The following AGBL4 variants were observed in gnomAD, a reference collection of about 807,000 sequenced individuals.
AGBL4 encodes cytosolic carboxypeptidase 6.
A neutral mutation model predicts 66.4 loss-of-function variants in AGBL4; 58 were observed. The observed-to-expected ratio is 0.87, with a 90% CI of 0.71 to 1.09. AGBL4 has a LOEUF of 1.09. Among genes scored for constraint, AGBL4 ranks in the 50% least tolerant of loss-of-function variants. AGBL4 has a pLI of 0.00. For missense variants in AGBL4, 579 were observed against 631.0 expected (o/e 0.92, Z 0.88); for synonymous variants, 234 against 222.9 (o/e 1.05, Z -0.44).
chr1:48,761,619 T>C, intron 6 of AGBL4: 1 of 774,148 alleles, frequency 1.3e-6, no homozygotes, highest in Non-Finnish European at 2.0e-6. Context: ...TGGTTCCCTC[T>C]TGCATGCAGG....
At chr1:49,478,808 C>T (rs1646895998) in intron 3 of AGBL4, among the ~76,000 whole-genome samples, 1 of 151,752 alleles carries the variant, frequency 6.6e-6, no homozygotes, top group African/African-American at 2.4e-5. Context: ...TGCAATAAGA[C>T]ATAAATAGAA....
At chr1:48,855,880 C>CAAAAACATACATG (rs1647138293) in intron 6 of AGBL4, among the ~76,000 whole-genome samples, 4 of 151,334 alleles carry the variant, frequency 2.6e-5, no homozygotes, top group Non-Finnish European at 5.9e-5. Context: ...GGATAATAAA[C>CAAAAACATACATG]CAAAATATAG....
chr1:48,593,620 G>A (rs1382168641), intron 9 of AGBL4, among the ~76,000 whole-genome samples: 1 of 152,040 alleles, frequency 6.6e-6, no homozygotes, highest in African/African-American at 2.4e-5. Context: ...GCAGGGTGGT[G>A]GGTGCCTATA....
intron 4 of AGBL4, among the ~76,000 whole-genome samples, chr1:49,196,745 T>A (rs2148220081): frequency 6.6e-6 from 1 of 152,218 alleles, no homozygotes; most frequent in Non-Finnish European, 1.5e-5. Flanking sequence ...GGGGTGAGAC[T>A]TTTTTGTCTT....
At chr1:48,756,971 C>T (rs1419713963) in intron 6 of AGBL4, among the ~76,000 whole-genome samples, 2 of 152,206 alleles carry the variant, frequency 1.3e-5, no homozygotes, top group African/African-American at 4.8e-5. Context: ...AAGATCAAGA[C>T]ACTGAAACTA....
At chr1:49,369,812 T>G (rs1198394950) in intron 3 of AGBL4, among the ~76,000 whole-genome samples, 2 of 152,086 alleles carry the variant, frequency 1.3e-5, no homozygotes, top group Non-Finnish European at 2.9e-5. Flanking sequence ...ATTTTATATG[T>G]CAACTTAGAG....
At chr1:48,745,458 G>T (rs1241428775) in intron 6 of AGBL4, among the ~76,000 whole-genome samples, 2 of 152,104 alleles carry the variant, frequency 1.3e-5, no homozygotes, top group African/African-American at 4.8e-5. Context: ...AGGGAGCAGG[G>T]GTTGAAAGAG....
intron 9 of AGBL4, among the ~76,000 whole-genome samples, chr1:48,607,658 C>T (rs1645173559): frequency 6.6e-6 from 1 of 151,996 alleles, no homozygotes; most frequent in African/African-American, 2.4e-5. Flanking sequence ...TTGAACGGCA[C>T]CATTCTAGTA....
chr1:49,627,541 A>G (rs1645488091), intron 3 of AGBL4, among the ~76,000 whole-genome samples: 1 of 152,122 alleles, frequency 6.6e-6, no homozygotes, highest in South Asian at 2.1e-4. Context: ...ATCTATGTAC[A>G]TTCTTACCTC....
At chr1:48,706,776 G>A (rs775236925) in intron 6 of AGBL4, among the ~76,000 whole-genome samples, 10 of 152,226 alleles carry the variant, frequency 6.6e-5, no homozygotes, top group Non-Finnish European at 1.5e-4. Flanking sequence ...ATTAATAAAT[G>A]AAGTGACTAT....
chr1:49,518,513 T>TA (rs111600728), intron 3 of AGBL4, among the ~76,000 whole-genome samples: 104,010 of 151,936 alleles, frequency 0.68, 36,485 homozygotes, highest in African/African-American at 0.78. Context: ...AAAAGATTGC[T>TA]AATTATATAA....
chr1:49,062,178 A>G (rs1251416187), intron 4 of AGBL4, among the ~76,000 whole-genome samples: 1 of 152,184 alleles, frequency 6.6e-6, no homozygotes, highest in East Asian at 1.9e-4. Flanking sequence ...CCGTCGATGG[A>G]AAAACTGTCT....
intron 3 of AGBL4, among the ~76,000 whole-genome samples, chr1:49,344,533 G>A (rs1262932181): frequency 6.6e-6 from 1 of 152,104 alleles, no homozygotes; most frequent in Non-Finnish European, 1.5e-5. Context: ...AAAATTCTGT[G>A]TGTGAACATA....
At chr1:48,738,162 T>C (rs748479437) in intron 6 of AGBL4, among the ~76,000 whole-genome samples, 1 of 152,170 alleles carries the variant, frequency 6.6e-6, no homozygotes, top group Non-Finnish European at 1.5e-5. Flanking sequence ...AACTTCTTCC[T>C]TTACCAATTA....
At chr1:49,209,410 G>C (rs933994200) in intron 4 of AGBL4, among the ~76,000 whole-genome samples, 1 of 152,044 alleles carries the variant, frequency 6.6e-6, no homozygotes, top group Admixed American at 6.6e-5. Flanking sequence ...CCCAGATATA[G>C]ATAACACAGT....
chr1:48,836,241 C>A (rs1304727493), intron 6 of AGBL4, among the ~76,000 whole-genome samples: 1 of 150,158 alleles, frequency 6.7e-6, no homozygotes, highest in Non-Finnish European at 1.5e-5. Context: ...GCACAAATCC[C>A]TTTCTGGGGC....
rs1209143720 is a variant in AGBL4, at chr1:48,926,570, T to G, written c.595-59340A>C. ...TCCCAAAGTGCTGGGATTACAGGTATGAGGCGTCACACCGGCCAACCATGG... is the reference window on the plus strand; with the variant it reads ...TCCCAAAGTGCTGGGATTACAGGTAGGAGGCGTCACACCGGCCAACCATGG... On this transcript the variant is annotated intron_variant, in intron 5 of 13. Transcript: ENST00000371839. Among the ~76,000 whole-genome samples, 3 of 152,022 alleles carry G rather than the reference T, an allele frequency of 2.0e-5. No individual in the cohort carries two copies. The East Asian group carries it at 5.8e-4, about 29-fold the overall frequency.
intron 1 of AGBL4, among the ~76,000 whole-genome samples, chr1:49,930,719 C>T (rs974605959): frequency 6.6e-6 from 1 of 151,988 alleles, no homozygotes; most frequent in African/African-American, 2.4e-5. Context: ...GTCAAATACC[C>T]ACTCAATAAG....
rs1653190022 is a variant in AGBL4, at chr1:49,261,730, C to T, written c.283-15866G>A. Among the ~76,000 whole-genome samples the T allele has an allele frequency of 2.7e-5, 4 of 149,106 alleles. No homozygotes were observed. In the South Asian group the frequency reaches 6.4e-4, roughly 24 times the overall value. On this transcript the variant is annotated intron_variant, in intron 3 of 13. Coordinates refer to ENST00000371839, the MANE Select transcript of AGBL4 (RefSeq NM_032785.4). ...AATCAATATCGTGAAAATGGCCATA[C>T]TGCCCAAGGTAATTTATAGATTCAA...
Sources: allele counts gnomAD v4.1 joint callset (sites outside exome capture counted in the v4.1 genomes callset), GRCh38; gene constraint gnomAD v4.1.1; transcripts MANE v1.5; gene names NCBI Gene and HGNC (gene_info 2026-07-23, HGNC 2026-07-21).